The following RNF217 variants were observed in gnomAD, a reference collection of about 807,000 sequenced individuals.
The protein encoded by RNF217 is ring finger protein 217.
Under a neutral mutation model 57.8 loss-of-function variants are expected in RNF217, and 31 were observed. The observed-to-expected ratio is 0.54, with a 90% CI of 0.40 to 0.72. The LOEUF (loss-of-function observed/expected upper bound fraction) is 0.72, where lower values mean the gene tolerates loss of function less well. Ranked by LOEUF, RNF217 falls within the 30% of genes least tolerant of loss-of-function variation. The pLI, the probability that RNF217 is intolerant of heterozygous loss-of-function variation, is 0.00. For missense variants in RNF217, 696 were observed against 708.3 expected, an observed-to-expected ratio of 0.98 and a Z score of 0.20; for synonymous variants, 313 against 294.0, an observed-to-expected ratio of 1.06 and a Z score of -0.66.
At chr6:124,992,162 C>T (rs1784584891) in intron 1 of RNF217, among the ~76,000 whole-genome samples, 1 of 141,910 alleles carries the variant, frequency 7.0e-6, no homozygotes. Context: ...CAGCATCACA[C>T]TTTGAGTAGC....
At chr6:125,040,084 C>CTT (rs1004259684) in intron 1 of RNF217, among the ~76,000 whole-genome samples, 44 of 151,980 alleles carry the variant, frequency 2.9e-4, no homozygotes, top group African/African-American at 8.0e-4. Context: ...CAAAAAATAA[C>CTT]TAAGATCAGA....
At chr6:125,044,307 G>A (rs1458078220) in intron 1 of RNF217, among the ~76,000 whole-genome samples, 3 of 152,020 alleles carry the variant, frequency 2.0e-5, no homozygotes, top group Admixed American at 6.6e-5. Context: ...TGAATATAAA[G>A]AGTTATTGTT....
chr6:125,048,134 C>A, intron 2 of RNF217: 2 of 1,224,364 alleles, frequency 1.6e-6, no homozygotes, highest in Non-Finnish European at 2.2e-6. Context: ...CATGCCCATA[C>A]CTGTCTGGGT....
Position 125,045,316 on chromosome 6 carries a change from T to C in RNF217, c.988T>C (p.Tyr330His). Residue 330 changes from tyrosine (Y) to histidine (H), a missense_variant, in exon 2 of 6, where the codon TAT (tyrosine) becomes CAT (histidine). This residue lies in a region of RNF217 where 231 missense variants were observed against 321.4 expected (regional missense o/e 0.72). Transcript: ENST00000521654. ...YNLTHEDSIK[Y>H]KYFLELGRID... ...CTTAACGCATGAAGACTCCATCAAG[T>C]ATAAGTACTTCTTGGAACTTGGCCG... The C allele has an allele frequency of 6.2e-7, 1 of 1,613,424 alleles. No individual in the cohort carries two copies. Among genetic ancestry groups the C allele is most frequent in the East Asian group, 2.2e-5 (1 of 44,808 alleles).
intron 1 of RNF217, among the ~76,000 whole-genome samples, chr6:124,994,929 T>G (rs2115054259): frequency 6.6e-6 from 1 of 152,328 alleles, no homozygotes; most frequent in South Asian, 2.1e-4. Context: ...CGAGAATTTT[T>G]TATGATCCAG....
Position 125,087,465 on chromosome 6 carries a change from C to T in RNF217, c.*4528C>T, listed in dbSNP as rs1788804000. On this transcript the variant is annotated 3_prime_UTR_variant, in exon 6 of 6. Transcript: ENST00000521654. Reference sequence around the variant, plus strand: ...CTGCTTTATTGTTTTGTGTTAATATCTATTATAAATATAGCCTTAAAATTT... The same window carrying T: ...CTGCTTTATTGTTTTGTGTTAATATTTATTATAAATATAGCCTTAAAATTT... The T allele has an allele frequency of 1.3e-5, 2 of 152,020 alleles. No individual in the cohort carries two copies. The highest frequency in any genetic ancestry group is 4.8e-5 in the African/African-American group (2 of 41,412). The allele number at this position is 152,020 out of a possible 1,614,324, so 9.4% of individuals were successfully genotyped here.
chr6:125,082,970 G>A lies in RNF217; in HGVS notation c.*33G>A, dbSNP rs756947975. ...ATGATTTCATCCAGCTAAGCTGGTT[G>A]GAGTAGGAGCGATACCAAAGGGTAC... On this transcript the variant is annotated 3_prime_UTR_variant, in exon 6 of 6. Coordinates refer to ENST00000521654, the MANE Select transcript of RNF217 (RefSeq NM_001286398.3). The A allele has an allele frequency of 4.0e-6, 6 of 1,508,128 alleles. No homozygotes were observed. In the South Asian group the frequency reaches 6.1e-5, roughly 15 times the overall value. The allele number at this position is 1,508,128 out of a possible 1,614,324, so 93.4% of individuals were successfully genotyped here. A position where few individuals can be genotyped will look rare whatever the true frequency, so the allele number is the denominator to read the frequency against.
At chr6:124,979,039 C>T (rs1216110982) in intron 1 of RNF217, among the ~76,000 whole-genome samples, 1 of 151,998 alleles carries the variant, frequency 6.6e-6, no homozygotes. Flanking sequence ...CAGAAGAAAC[C>T]AATAGAGAGA....
At chr6:125,076,342 C>T (rs951548548) in intron 3 of RNF217, among the ~76,000 whole-genome samples, 1 of 152,134 alleles carries the variant, frequency 6.6e-6, no homozygotes, top group Non-Finnish European at 1.5e-5. Flanking sequence ...TTTTAAATTG[C>T]CTCCTAACCG....
chr6:125,056,944 C>T (rs988140457), intron 2 of RNF217, among the ~76,000 whole-genome samples: 1 of 152,182 alleles, frequency 6.6e-6, no homozygotes, highest in Non-Finnish European at 1.5e-5. Context: ...TAAACTTACA[C>T]GTGCACTGTC....
At position 124,962,448 on chromosome 6, in the gene RNF217, C is replaced by G. The variant is rs1171088027; in HGVS notation, c.-97C>G. The stretch of plus-strand genomic sequence containing the variant: ...AAGGACCCGGAAGCAGAAGCGGAGC[C>G]GCGAGTCGAGCCGAGCCACTGCCCC... On this transcript the variant is annotated 5_prime_UTR_variant, in exon 1 of 6. Transcript: ENST00000521654. This position sits in a 1 kb window ranked among gnomAD's most constrained non-coding sequence, Gnocchi z 4.6. 6 of 423,206 alleles carry G rather than the reference C, an allele frequency of 1.4e-5. No homozygotes were observed. The highest frequency in any genetic ancestry group is 2.1e-5 in the African/African-American group (1 of 46,844). The allele number at this position is 423,206 out of a possible 1,614,324, so 26.2% of individuals were successfully genotyped here.
chr6:125,034,511 T>A (rs1046525668), intron 1 of RNF217, among the ~76,000 whole-genome samples: 4 of 152,228 alleles, frequency 2.6e-5, no homozygotes, highest in Non-Finnish European at 5.9e-5. Context: ...GTTGTAGATA[T>A]GCGACATTAT....
intron 1 of RNF217, among the ~76,000 whole-genome samples, chr6:124,966,277 G>C (rs1244808948): frequency 6.6e-6 from 1 of 152,130 alleles, no homozygotes; most frequent in Admixed American, 6.5e-5. Flanking sequence ...GTGTTTCTCT[G>C]TCACTTAACC....
intron 1 of RNF217, among the ~76,000 whole-genome samples, chr6:125,028,245 T>A (rs1276537974): frequency 6.6e-6 from 1 of 152,124 alleles, no homozygotes; most frequent in Non-Finnish European, 1.5e-5. Context: ...CCCCTTTAAA[T>A]ATATGACAAA....
At chr6:125,047,599 C>T (rs1055619726) in intron 2 of RNF217, among the ~76,000 whole-genome samples, 1 of 152,018 alleles carries the variant, frequency 6.6e-6, no homozygotes, top group African/African-American at 2.4e-5. Context: ...CAATTGATTC[C>T]TTTTGATTAG....
Position 124,962,986 on chromosome 6 carries a change from G to T in RNF217, c.442G>T (p.Asp148Tyr), listed in dbSNP as rs755384395. The T allele has an allele frequency of 1.3e-6, 2 of 1,597,080 alleles. No individual in the cohort carries two copies. The highest frequency in any genetic ancestry group is 2.2e-5 in the South Asian group (2 of 90,914). Residue 148 changes from aspartate (D) to tyrosine (Y), a missense_variant, in exon 1 of 6, where the codon GAC (aspartate) becomes TAC (tyrosine). Coordinates refer to ENST00000521654, the MANE Select transcript of RNF217 (RefSeq NM_001286398.3). This position sits in a 1 kb window ranked among gnomAD's most constrained non-coding sequence, Gnocchi z 4.6. ...GGGGGCCGCCGACGGACTGGTCCTG[G>T]ACGTGCTGGGTCAGCGGCGCCCGTC... ...RVGAADGLVL[D>Y]VLGQRRPSLA... is the part of the protein sequence containing the mutation.
intron 3 of RNF217, among the ~76,000 whole-genome samples, chr6:125,066,968 C>T (rs1562493394): frequency 6.8e-6 from 1 of 147,644 alleles, no homozygotes; most frequent in African/African-American, 2.6e-5. Context: ...CAATGATAAA[C>T]ACTATTGCAC....
At chr6:125,050,938 G>C (rs528970610) in intron 2 of RNF217, among the ~76,000 whole-genome samples, 1 of 151,752 alleles carries the variant, frequency 6.6e-6, no homozygotes, top group Admixed American at 6.6e-5. Context: ...GTTGATAGAC[G>C]CCAGTGTAAA....
chr6:125,081,687 A>G (rs940180587), intron 5 of RNF217, among the ~76,000 whole-genome samples, 180 bp downstream of exon 5: 1 of 152,090 alleles, frequency 6.6e-6, no homozygotes, highest in Non-Finnish European at 1.5e-5. Flanking sequence ...CCTGTAGGAT[A>G]TGTTAGTATG....
Sources: gnomAD v4.1 joint callset for allele counts (sites outside exome capture counted in the v4.1 genomes callset) on GRCh38, gnomAD v4.1.1 for gene constraint, gnomAD v4.1.1 regional missense constraint, Gnocchi (gnomAD v3.1) non-coding constraint, MANE v1.5 for transcripts, NCBI Gene and HGNC (gene_info 2026-07-23, HGNC 2026-07-21) for gene names.